The following IQGAP1 variants were observed in gnomAD, a reference collection of about 807,000 sequenced individuals.
IQGAP1 encodes the protein ras GTPase-activating-like protein IQGAP1.
A neutral mutation model predicts 215.6 loss-of-function variants in IQGAP1; 66 were observed. That is an observed-to-expected ratio of 0.31 (90% CI 0.25 to 0.38). IQGAP1 has a LOEUF of 0.38. Among genes scored for constraint, IQGAP1 ranks in the 10% least tolerant of loss-of-function variants. IQGAP1 has a pLI of 1.00. For missense variants in IQGAP1, 1,712 were observed against 1,997.1 expected, an observed-to-expected ratio of 0.86 and a Z score of 2.72; for synonymous variants, 772 against 728.7, an observed-to-expected ratio of 1.06 and a Z score of -0.96.
At position 90,500,978 on chromosome 15, in the gene IQGAP1, T is replaced by C. The variant is rs1221225787; in HGVS notation, c.*870T>C. On this transcript the variant is annotated 3_prime_UTR_variant, in exon 38 of 38. Coordinates refer to ENST00000268182, the MANE Select transcript of IQGAP1 (RefSeq NM_003870.4). ...TTGTTTTTAAAACTGTTTTATATCTTAAGAGTGCCTTATTAAAGTATAGAT... is the reference window on the plus strand; with the variant it reads ...TTGTTTTTAAAACTGTTTTATATCTCAAGAGTGCCTTATTAAAGTATAGAT... 1 of 152,672 alleles carries C rather than the reference T, an allele frequency of 6.5e-6. No homozygotes were observed. Among genetic ancestry groups the C allele is most frequent in the Non-Finnish European group, 1.5e-5 (1 of 68,054 alleles). 9.5% of individuals were successfully genotyped at this position (152,672 alleles called of 1,614,324 possible).
intron 24 of IQGAP1, 84 bp from the exon 25 acceptor site, chr15:90,476,983 T>A: frequency 7.1e-7 from 1 of 1,398,712 alleles, no homozygotes; most frequent in Non-Finnish European, 1.0e-6. Context: ...ATATGTATTG[T>A]AGTCCTTCAA....
intron 4 of IQGAP1, among the ~76,000 whole-genome samples, chr15:90,430,644 G>A (rs534331416): frequency 5.9e-5 from 9 of 152,186 alleles, no homozygotes; most frequent in African/African-American, 2.2e-4. Flanking sequence ...TAAAAATAAA[G>A]TGAGTGTTCT....
At chr15:90,476,939 A>C in intron 24 of IQGAP1, 121 bp downstream of exon 24, 1 of 1,292,706 alleles carries the variant, frequency 7.7e-7, no homozygotes, top group Non-Finnish European at 1.1e-6. Flanking sequence ...AGTGAGGGGC[A>C]CTGTAACATG....
At chr15:90,482,350 G>A in intron 28 of IQGAP1, 69 bp downstream of exon 28, 2 of 1,435,098 alleles carry the variant, frequency 1.4e-6, no homozygotes, top group Non-Finnish European at 2.0e-6. Flanking sequence ...GCTGACCATA[G>A]ATCATTACTA....
At chr15:90,411,958 T>TA (rs1964972648) in intron 2 of IQGAP1, among the ~76,000 whole-genome samples, 1 of 152,194 alleles carries the variant, frequency 6.6e-6, no homozygotes, top group South Asian at 2.1e-4. Flanking sequence ...CCTGTTTTTT[T>TA]AATGTACAAT....
chr15:90,424,341 C>G (rs1442002730), intron 2 of IQGAP1, among the ~76,000 whole-genome samples: 1 of 152,146 alleles, frequency 6.6e-6, no homozygotes, highest in African/African-American at 2.4e-5. Flanking sequence ...TTTATTATGA[C>G]AACTCTTCTG....
chr15:90,445,151 TA>T (rs986803585), intron 9 of IQGAP1, among the ~76,000 whole-genome samples: 13 of 150,460 alleles, frequency 8.6e-5, no homozygotes, highest in Non-Finnish European at 1.0e-4. Context: ...TTTTTTTTTT[TA>T]AAAAAGAATC....
At chr15:90,439,126 CT>C (rs1965412472) in intron 5 of IQGAP1, among the ~76,000 whole-genome samples, 1 of 150,248 alleles carries the variant, frequency 6.7e-6, no homozygotes, top group Admixed American at 6.6e-5. Flanking sequence ...TGTTATGTGA[CT>C]TTTTAGGACA....
intron 2 of IQGAP1, among the ~76,000 whole-genome samples, chr15:90,397,609 C>T (rs1964741262): frequency 6.6e-6 from 1 of 150,628 alleles, no homozygotes. Flanking sequence ...CTCCGCCTCC[C>T]AGGTTCTCAC....
chr15:90,409,530 G>A lies in IQGAP1; in HGVS notation c.156-16580G>A, dbSNP rs550512734. ...TGGGATTACAGACGTGAGCCACTGC[G>A]CCAGGCCTTAATTTTTACATTTTTT... On this transcript the variant is annotated intron_variant, in intron 2 of 37. Transcript: ENST00000268182. Among the ~76,000 whole-genome samples the A allele has an allele frequency of 4.6e-5, 7 of 152,160 alleles. No homozygotes were observed. In the East Asian group the frequency reaches 9.7e-4, roughly 21 times the overall value.
intron 15 of IQGAP1, among the ~76,000 whole-genome samples, chr15:90,459,052 G>C (rs1290574261): frequency 6.6e-6 from 1 of 152,134 alleles, no homozygotes; most frequent in East Asian, 1.9e-4. Context: ...TAAAGCCTTG[G>C]TCTGTTTTTA....
At chr15:90,475,466 A>G (rs1295859846) in intron 23 of IQGAP1, among the ~76,000 whole-genome samples, 1 of 151,530 alleles carries the variant, frequency 6.6e-6, no homozygotes. Context: ...GTTATGTAAG[A>G]CAGGTCAGGC....
At chr15:90,495,045 C>T (rs1477212663) in intron 36 of IQGAP1, among the ~76,000 whole-genome samples, 2 of 152,144 alleles carry the variant, frequency 1.3e-5, no homozygotes, top group Non-Finnish European at 2.9e-5. Flanking sequence ...ACATTTGTCT[C>T]AGGTCATGTT....
At chr15:90,443,524 A>G (rs1270959414) in intron 9 of IQGAP1, 46 bp downstream of exon 9, 1 of 1,072,768 alleles carries the variant, frequency 9.3e-7, no homozygotes, top group African/African-American at 1.6e-5. Flanking sequence ...ATTATAATAT[A>G]ATGTGAATGT....
At chr15:90,473,355 C>G (rs1481566736) in intron 19 of IQGAP1, among the ~76,000 whole-genome samples, 1 of 152,198 alleles carries the variant, frequency 6.6e-6, no homozygotes, top group Non-Finnish European at 1.5e-5. Context: ...GATGGCTGCA[C>G]TACTGCCAGA....
chr15:90,486,269 G>T, intron 31 of IQGAP1, 137 bp downstream of exon 31: 1 of 568,636 alleles, frequency 1.8e-6, no homozygotes, highest in Non-Finnish European at 3.1e-6. Flanking sequence ...GATCCTGATA[G>T]TTTCATAAGA....
rs552962576 is a variant in IQGAP1, at chr15:90,459,585, A to G, written c.1776+3270A>G. 3.3e-5 allele frequency among the ~76,000 whole-genome samples: 5 copies of G among 152,340 alleles called. No homozygotes were observed. In the East Asian group the frequency reaches 7.7e-4, roughly 23 times the overall value. ...GTGGAATAACTTTTCAGACTTCATC[A>G]AAGGCGGAGGAAGTCGGGGGAGTTA... On this transcript the variant is annotated intron_variant, in intron 15 of 37. Transcript: ENST00000268182.
rs1328420091 is a variant in IQGAP1, at chr15:90,443,409, A to G, written c.844A>G (p.Arg282Gly). 2 of 1,612,696 alleles carry G rather than the reference A, an allele frequency of 1.2e-6. No homozygotes were observed. The highest frequency in any genetic ancestry group is 1.7e-6 in the Non-Finnish European group (2 of 1,178,760). The part of the protein sequence containing the change: ...NAKNRTENSE[R>G]ERDVYEELLT... ...TCATCCTCAGACAGAAAACTCAGAG[A>G]GAGAAAGAGATGTTTATGAGGAGCT... is the stretch of plus-strand genomic sequence containing the variant. Residue 282 changes from arginine to glycine, a missense_variant, in exon 9 of 38, where the codon AGA becomes GGA. Physicochemically the swap from Arg to Gly is moderately radical, Grantham distance 125. Around this residue, in one of 2 missense-constraint regions of IQGAP1, gnomAD observed 1,021 missense variants for 1,074.2 expected, o/e 0.95. Coordinates refer to ENST00000268182, the MANE Select transcript of IQGAP1 (RefSeq NM_003870.4).
chr15:90,407,807 A>G (rs1964900812), intron 2 of IQGAP1, among the ~76,000 whole-genome samples: 1 of 152,180 alleles, frequency 6.6e-6, no homozygotes, highest in Non-Finnish European at 1.5e-5. Flanking sequence ...TAGCTCCTCC[A>G]TTGTTCAGGA....
Sources: allele counts gnomAD v4.1 joint callset (sites outside exome capture counted in the v4.1 genomes callset), GRCh38; gene constraint gnomAD v4.1.1; regional missense constraint gnomAD v4.1.1; transcripts MANE v1.5; gene names NCBI Gene and HGNC (gene_info 2026-07-23, HGNC 2026-07-21).